The following WDR75 variants were observed in gnomAD, a reference collection of about 807,000 sequenced individuals.
WDR75 encodes the protein WD repeat-containing protein 75.
In WDR75, 52 loss-of-function variants were observed where a neutral mutation model predicts 106.1. The observed-to-expected ratio is 0.49, with a 90% CI of 0.39 to 0.62. WDR75 has a LOEUF of 0.62. WDR75 is among the 20% of genes least tolerant of loss of function. The probability of loss-of-function intolerance (pLI) is 0.00; values close to 1 mark genes in which losing one functional copy is unlikely to be tolerated. For synonymous variants in WDR75, 333 were observed against 335.5 expected, an observed-to-expected ratio of 0.99 and a Z score of 0.08; for missense variants, 905 against 970.3, an observed-to-expected ratio of 0.93 and a Z score of 0.89.
intron 2 of WDR75, chr2:189,449,922 A>G: frequency 1.0e-6 from 1 of 983,672 alleles, no homozygotes; most frequent in South Asian, 4.7e-5. Flanking sequence ...TGTAAACATT[A>G]TAAGCAAAGT....
At chr2:189,474,543 A>T (rs1388345523) in intron 19 of WDR75, among the ~76,000 whole-genome samples, 174 bp from the exon 20 acceptor site, 2 of 152,156 alleles carry the variant, frequency 1.3e-5, no homozygotes, top group Admixed American at 6.5e-5. Context: ...GTTGGCATAA[A>T]TGTAGGAAGG....
chr2:189,462,710 C>G, intron 9 of WDR75, 68 bp downstream of exon 9: 1 of 1,477,538 alleles, frequency 6.8e-7, no homozygotes, highest in Non-Finnish European at 9.2e-7. Flanking sequence ...CTGTAGGGAA[C>G]AGAGAATAAA....
rs1288577335 is a variant in WDR75 at position 189,475,304 on chromosome 2, G to C, written c.2380G>C (p.Asp794His). ...EENDFTEKVQDTSNTGLGEDI... is the reference protein window; with the variant it reads ...EENDFTEKVQHTSNTGLGEDI... ...AAATGATTTTACCGAAAAAGTCCAG[G>C]ATACAAGTAACACAGGTTTAGGAGA... The change falls in exon 21 of 21, where the codon GAT becomes CAT. Residue 794 changes from aspartate to histidine, a missense_variant. Coordinates refer to ENST00000314761, the MANE Select transcript of WDR75 (RefSeq NM_032168.3). 1 of 1,612,728 alleles carries C rather than the reference G, an allele frequency of 6.2e-7. No homozygotes were observed. The highest frequency in any genetic ancestry group is 2.2e-5 in the East Asian group (1 of 44,772).
chr2:189,464,563 G>A (rs1377196472), intron 11 of WDR75, among the ~76,000 whole-genome samples: 3 of 152,056 alleles, frequency 2.0e-5, no homozygotes, highest in African/African-American at 7.2e-5. Flanking sequence ...TAGGCATTTA[G>A]TACACTTAAT....
At chr2:189,471,838 G>C (rs897482203) in intron 18 of WDR75, among the ~76,000 whole-genome samples, 1 of 152,178 alleles carries the variant, frequency 6.6e-6, no homozygotes, top group African/African-American at 2.4e-5. Context: ...GTGCATTGGA[G>C]GTCAATTTAA....
chr2:189,459,928 A>G (rs936517752), intron 8 of WDR75, among the ~76,000 whole-genome samples: 1 of 152,178 alleles, frequency 6.6e-6, no homozygotes, highest in Admixed American at 6.5e-5. Context: ...TCTTGTTTTT[A>G]ACTGTTACAT....
intron 1 of WDR75, among the ~76,000 whole-genome samples, chr2:189,442,807 A>G (rs1686410910): frequency 6.6e-6 from 1 of 152,130 alleles, no homozygotes. Flanking sequence ...TAATGCAAGC[A>G]TGACTGAAAG....
intron 6 of WDR75, among the ~76,000 whole-genome samples, chr2:189,457,723 A>G (rs1285559431): frequency 1.3e-5 from 2 of 152,126 alleles, no homozygotes; most frequent in East Asian, 3.9e-4. Flanking sequence ...TGACATATGT[A>G]AGTTTTAATT....
At chr2:189,462,743 G>A (rs113403036) in intron 9 of WDR75, 101 bp downstream of exon 9, 47,047 of 1,154,144 alleles carry the variant, frequency 0.041, 1,400 homozygotes, top group African/African-American at 0.14. Flanking sequence ...TAAGAGTAGC[G>A]TATGAGATTT....
Position 189,467,525 on chromosome 2 carries a change from C to CT in WDR75, c.1506dup (p.Asn503Ter). 6.2e-7 allele frequency: 1 copy of CT among 1,609,120 alleles called. No individual in the cohort carries two copies. The highest frequency in any genetic ancestry group is 8.5e-7 in the Non-Finnish European group (1 of 1,177,642). On this transcript the variant is annotated frameshift_variant, in exon 14 of 21. Transcript: ENST00000314761. LOFTEE classifies it high-confidence loss of function. ...GGTAGTTATCACAAGTATCAAGCAA[C>CT]TAACTGTTGTTTCTCCGAAGATGGT...
At chr2:189,453,441 T>G (rs912343531) in intron 4 of WDR75, among the ~76,000 whole-genome samples, 2 of 152,154 alleles carry the variant, frequency 1.3e-5, no homozygotes, top group African/African-American at 4.8e-5. Context: ...GCAAAACTTT[T>G]TACCCATGAT....
Position 189,474,783 on chromosome 2 carries a change from T to A in WDR75, c.2263T>A (p.Leu755Met), listed in dbSNP as rs752988878. 3.1e-6 allele frequency: 5 copies of A among 1,614,038 alleles called. No homozygotes were observed. The South Asian group carries it at 5.5e-5, about 18-fold the overall frequency. Residue 755 changes from leucine (L) to methionine (M), a missense_variant, in exon 20 of 21, where the codon TTG (leucine) becomes ATG (methionine). Transcript: ENST00000314761. Reference protein sequence around the residue: ...AFLCSMFVNSLLLSKETKSAK... With the variant: ...AFLCSMFVNSMLLSKETKSAK... ...CCTGTGCTCCATGTTTGTAAATTCA[T>A]TGCTGCTGTCTAAAGAGACTAAGAG... is the stretch of plus-strand genomic sequence containing the variant.
chr2:189,454,789 G>A (rs1217355830), intron 4 of WDR75, among the ~76,000 whole-genome samples: 1 of 151,926 alleles, frequency 6.6e-6, no homozygotes, highest in Non-Finnish European at 1.5e-5. Context: ...TCCCAGATTT[G>A]TATTTCTATA....
chr2:189,449,664 A>G (rs1356210888), intron 2 of WDR75: 6 of 1,004,772 alleles, frequency 6.0e-6, no homozygotes, highest in Non-Finnish European at 7.1e-6. Flanking sequence ...CTTAGGAGTC[A>G]CAGTGTTTGT....
chr2:189,453,690 G>A (rs930845099), intron 4 of WDR75, among the ~76,000 whole-genome samples: 2 of 152,154 alleles, frequency 1.3e-5, no homozygotes, highest in Non-Finnish European at 2.9e-5. Flanking sequence ...CTGGATAGCT[G>A]CTACATAAAA....
chr2:189,461,242 A>G (rs1048860771), intron 8 of WDR75, among the ~76,000 whole-genome samples: 1 of 152,334 alleles, frequency 6.6e-6, no homozygotes, highest in Non-Finnish European at 1.5e-5. Context: ...CTTTTGAGAA[A>G]ACAGTCTGAA....
chr2:189,470,005 A>G (rs767745988), intron 16 of WDR75, 71 bp from the exon 17 acceptor site: 12 of 1,366,610 alleles, frequency 8.8e-6, no homozygotes, highest in Non-Finnish European at 1.2e-5. Context: ...GATTAGTGTG[A>G]TCTGCCAGTC....
chr2:189,451,911 C>G lies in WDR75; in HGVS notation c.373+16C>G. The G allele has an allele frequency of 1.3e-6, 2 of 1,591,930 alleles. No individual in the cohort carries two copies. The highest frequency in any genetic ancestry group is 1.7e-6 in the Non-Finnish European group (2 of 1,161,624). ...GAAAAACCAGGTATGGTATAATTAA[C>G]TTACTATATATGGCATTGAGTGGCT... On this transcript the variant is annotated intron_variant, in intron 4 of 20. Coordinates refer to ENST00000314761, the MANE Select transcript of WDR75 (RefSeq NM_032168.3).
rs1345558013 is a variant in WDR75, at chr2:189,463,928, T to C, written c.1080T>C (p.Phe360=). The C allele has an allele frequency of 5.6e-6, 9 of 1,613,908 alleles. No homozygotes were observed. The highest frequency in any genetic ancestry group is 6.8e-6 in the Non-Finnish European group (8 of 1,179,840). ...VLNGKPGHLQ[F]YSLQSDKQLY... is the part of the protein sequence containing the mutation. The stretch of plus-strand genomic sequence containing the variant: ...ATGGAAAACCTGGCCACCTGCAGTT[T>C]TATTCTCTCCAGAGTGATAAACAGT... Residue 360 remains phenylalanine, a synonymous_variant, in exon 11 of 21, where the codon TTT becomes TTC. Coordinates refer to ENST00000314761, the MANE Select transcript of WDR75 (RefSeq NM_032168.3).
Sources: allele counts gnomAD v4.1 joint callset (sites outside exome capture counted in the v4.1 genomes callset), GRCh38; gene constraint gnomAD v4.1.1; transcripts MANE v1.5; gene names NCBI Gene and HGNC (gene_info 2026-07-23, HGNC 2026-07-21).